Variants in STYX observed in about 807,000 individuals in gnomAD.
STYX encodes serine/threonine/tyrosine interacting protein.
STYX carries 20 observed loss-of-function variants against 42.7 expected under a neutral mutation model. That is an observed-to-expected ratio of 0.47 (90% CI 0.33 to 0.68). The LOEUF is 0.68. Ranked by LOEUF, STYX falls within the 30% of genes least tolerant of loss-of-function variation. The probability of loss-of-function intolerance (pLI) is 0.02; values close to 1 mark genes in which losing one functional copy is unlikely to be tolerated. For synonymous variants in STYX, 78 were observed against 81.9 expected (o/e 0.95, Z 0.26); for missense variants, 226 against 268.5 (o/e 0.84, Z 1.11).
At chr14:52,741,843 T>C (rs1309801135) in intron 1 of STYX, among the ~76,000 whole-genome samples, 1 of 152,212 alleles carries the variant, frequency 6.6e-6, no homozygotes, top group Admixed American at 6.5e-5. Context: ...CTAATTTCTT[T>C]AAATTTTTTA....
chr14:52,738,401 A>C (rs1479492808), intron 1 of STYX, among the ~76,000 whole-genome samples: 1 of 152,192 alleles, frequency 6.6e-6, no homozygotes, highest in Non-Finnish European at 1.5e-5. Context: ...ATATAACCTT[A>C]TGGAAAGCTC....
chr14:52,748,261 C>G (rs191990988), intron 3 of STYX, among the ~76,000 whole-genome samples: 3 of 152,226 alleles, frequency 2.0e-5, no homozygotes. Flanking sequence ...GGGTCTTGCT[C>G]TGTTACCCAG....
In STYX at chr14:52,746,479, G is replaced by A; in HGVS notation, c.144G>A (p.Lys48=). 1.3e-6 allele frequency: 2 copies of A among 1,551,306 alleles called. No individual in the cohort carries two copies. The highest frequency in any genetic ancestry group is 1.7e-6 in the Non-Finnish European group (2 of 1,159,952). Residue 48 remains lysine (K), a splice_region_variant and synonymous_variant, in exon 3 of 11, where the codon AAG becomes AAA. Transcript: ENST00000354586. The stretch of plus-strand genomic sequence containing the variant: ...CATATTCATCTGCTATGAAAAGCAA[G>A]GTATGAACTTTGTTAGATTCATCAA... The part of the protein sequence containing the change: ...LGPYSSAMKS[K]LPVLQKHGIT...
chr14:52,749,363 ATTT>A (rs554395165), intron 3 of STYX, among the ~76,000 whole-genome samples: 1 of 151,604 alleles, frequency 6.6e-6, no homozygotes, highest in African/African-American at 2.4e-5. Context: ...CATATAAATT[ATTT>A]TTTTTTACTT....
intron 3 of STYX, among the ~76,000 whole-genome samples, chr14:52,748,052 A>G (rs1594870760): frequency 1.3e-5 from 2 of 152,318 alleles, no homozygotes; most frequent in East Asian, 3.9e-4. Flanking sequence ...TTTTCTTGAA[A>G]TGTCACCATG....
chr14:52,747,547 T>C (rs1444630737), intron 3 of STYX, among the ~76,000 whole-genome samples: 3 of 152,208 alleles, frequency 2.0e-5, no homozygotes, highest in African/African-American at 7.2e-5. Flanking sequence ...GGCAGGTAAC[T>C]ATAGACATAG....
chr14:52,746,379 A>G (rs771630793), intron 2 of STYX, 47 bp from the exon 3 acceptor site: 1 of 1,429,156 alleles, frequency 7.0e-7, no homozygotes, highest in South Asian at 1.2e-5. Context: ...ATAGCCTTAT[A>G]GATTTAAATT....
Position 52,730,270 on chromosome 14 carries a change from G to C in STYX, c.-205G>C. 1.7e-6 allele frequency: 1 copy of C among 587,756 alleles called. No homozygotes were observed. 36.4% of individuals were successfully genotyped at this position (587,756 alleles called of 1,614,324 possible). ...CATGGCGGCCGGGTGTAAGACGCCC[G>C]ACCCTCCTCTTCCCTGTCTTCGCCG... On this transcript the variant is annotated 5_prime_UTR_variant, in exon 1 of 11. Transcript: ENST00000354586.
chr14:52,769,044 T>TA, intron 10 of STYX, 111 bp downstream of exon 10: 1 of 747,690 alleles, frequency 1.3e-6, no homozygotes, highest in Non-Finnish European at 2.1e-6. Flanking sequence ...CTTGTTAAAC[T>TA]ATTGAGCTAA....
At chr14:52,751,849 C>A (rs1391247270) in intron 4 of STYX, among the ~76,000 whole-genome samples, 1 of 152,110 alleles carries the variant, frequency 6.6e-6, no homozygotes, top group Non-Finnish European at 1.5e-5. Context: ...CCTTCAATAT[C>A]TATGTAAAAG....
intron 10 of STYX, among the ~76,000 whole-genome samples, chr14:52,770,162 A>G (rs1358893704): frequency 6.6e-6 from 1 of 152,148 alleles, no homozygotes; most frequent in African/African-American, 2.4e-5. Context: ...TTCATCTGAA[A>G]CTTAATCACA....
At position 52,734,485 on chromosome 14, in the gene STYX, A is replaced by G. The variant is rs1265306154; in HGVS notation, c.57+3954A>G. Among the ~76,000 whole-genome samples the G allele has an allele frequency of 4.6e-5, 7 of 152,248 alleles. No individual in the cohort carries two copies. The East Asian group carries it at 5.8e-4, about 13-fold the overall frequency. On this transcript the variant is annotated intron_variant, in intron 1 of 10. Transcript: ENST00000354586. ...CTGGTGACTGGCCCCACCCTAAATC[A>G]CTTCATTAGCATAATCAGGTTTGAT...
chr14:52,749,458 T>C (rs757615060), intron 3 of STYX, among the ~76,000 whole-genome samples: 1 of 152,194 alleles, frequency 6.6e-6, no homozygotes, highest in Admixed American at 6.5e-5. Flanking sequence ...TTTAAAACAA[T>C]GTGTCAAGAA....
chr14:52,738,001 C>G (rs940531834), intron 1 of STYX, among the ~76,000 whole-genome samples: 15 of 152,194 alleles, frequency 9.9e-5, no homozygotes, highest in African/African-American at 3.6e-4. Context: ...TGGTCTCGAT[C>G]TCCTGACCCT....
At chr14:52,739,442 C>G (rs1881093363) in intron 1 of STYX, among the ~76,000 whole-genome samples, 1 of 151,894 alleles carries the variant, frequency 6.6e-6, no homozygotes, top group Admixed American at 6.6e-5. Flanking sequence ...GAAGATAAGG[C>G]TGGCTGTTAG....
At chr14:52,753,793 G>T (rs746710324) in intron 4 of STYX, among the ~76,000 whole-genome samples, 3 of 148,506 alleles carry the variant, frequency 2.0e-5, no homozygotes, top group Non-Finnish European at 3.0e-5. Context: ...GAAATTCTTG[G>T]ATATGGAGGG....
intron 2 of STYX, among the ~76,000 whole-genome samples, chr14:52,745,706 G>A (rs185238693): frequency 5.9e-5 from 9 of 152,210 alleles, no homozygotes; most frequent in South Asian, 4.1e-4. Flanking sequence ...ACCATTTACC[G>A]TCAAGTCTGT....
intron 6 of STYX, 48 bp from the exon 7 acceptor site, chr14:52,757,695 A>C: frequency 6.4e-7 from 1 of 1,556,752 alleles, no homozygotes; most frequent in Non-Finnish European, 8.9e-7. Flanking sequence ...TAGTTCAGCT[A>C]CTGACTCAGG....
rs199977346 is a variant in STYX, at chr14:52,730,513, G to A, written c.39G>A (p.Gln13=). The change falls in exon 1 of 11, where the codon CAG becomes CAA. Residue 13 remains glutamine (Q), a synonymous_variant. Coordinates refer to ENST00000354586, the MANE Select transcript of STYX (RefSeq NM_145251.4). ...AGCTGGAGTTCCCTTCCCTTCCACA[G>A]TGCAAGGAAGACGCCGAGGTGAGTC... is the stretch of plus-strand genomic sequence containing the variant. The part of the protein sequence containing the change: ...DVKLEFPSLP[Q]CKEDAEEWTY... The A allele has an allele frequency of 1.9e-6, 3 of 1,613,564 alleles. No individual in the cohort carries two copies. The highest frequency in any genetic ancestry group is 1.1e-5 in the South Asian group (1 of 90,966).
Sources: gnomAD v4.1 joint callset for allele counts (sites outside exome capture counted in the v4.1 genomes callset) on GRCh38, gnomAD v4.1.1 for gene constraint, MANE v1.5 for transcripts, NCBI Gene and HGNC (gene_info 2026-07-23, HGNC 2026-07-21) for gene names.